Variants in PRRC2C observed in about 807,000 individuals in gnomAD.
PRRC2C encodes the protein protein PRRC2C.
PRRC2C carries 72 observed loss-of-function variants against 317.2 expected under a neutral mutation model. That is an observed-to-expected ratio of 0.23 (90% CI 0.19 to 0.28). The LOEUF is 0.28. PRRC2C is among the 10% of genes least tolerant of loss of function. The probability of loss-of-function intolerance (pLI) is 1.00; values close to 1 mark genes in which losing one functional copy is unlikely to be tolerated. For synonymous variants in PRRC2C, 1,296 were observed against 1,205.9 expected (o/e 1.07, Z -1.55); for missense variants, 3,074 against 3,459.7 (o/e 0.89, Z 2.80).
chr1:171,510,952 G>T (rs538438154), intron 1 of PRRC2C: 19 of 152,250 alleles, frequency 1.2e-4, no homozygotes, highest in Non-Finnish European at 2.5e-4. Context: ...ACGTTGGGTG[G>T]CATTTTACAT....
chr1:171,553,375 G>A (rs2102605199), intron 18 of PRRC2C, among the ~76,000 whole-genome samples: 1 of 151,796 alleles, frequency 6.6e-6, no homozygotes, highest in African/African-American at 2.4e-5. Flanking sequence ...AGTCTTGCTA[G>A]CGGTCTGTCA....
At chr1:171,536,332 C>A in intron 14 of PRRC2C, 54 bp downstream of exon 14, 1 of 1,543,392 alleles carries the variant, frequency 6.5e-7, no homozygotes, top group Non-Finnish European at 8.8e-7. Context: ...TTTTTCCCTG[C>A]TTTTAGTTTC....
At chr1:171,575,852 T>G (rs1031091970) in intron 25 of PRRC2C, among the ~76,000 whole-genome samples, 4 of 152,214 alleles carry the variant, frequency 2.6e-5, no homozygotes, top group African/African-American at 9.6e-5. Context: ...TTCTCAGTAT[T>G]ATCTGCTTCC....
In PRRC2C at chr1:171,588,394, T is replaced by G; in HGVS notation, c.8088T>G (p.Ser2696Arg). ...TCTTTCCAAGGGCTACTTCTACAAG[T>G]CCGAACAGCCAGTCCAGCAAAATGA... Reference protein sequence around the residue: ...TSSPFRATSTSPNSQSSKMNS... With the variant: ...TSSPFRATSTRPNSQSSKMNS... The change falls in exon 33 of 35, where the codon AGT becomes AGG. Residue 2696 changes from serine (S) to arginine (R), a missense_variant. Physicochemically the swap from Ser to Arg is moderately radical, Grantham distance 110. Around this residue, in one of 11 missense-constraint regions of PRRC2C, gnomAD observed 490 missense variants for 663.1 expected, o/e 0.74. Coordinates refer to ENST00000647382, the MANE Select transcript of PRRC2C (RefSeq NM_001387844.1). 6.2e-7 allele frequency: 1 copy of G among 1,613,712 alleles called. No homozygotes were observed. Among genetic ancestry groups the G allele is most frequent in the Non-Finnish European group, 8.5e-7 (1 of 1,179,764 alleles).
intron 28 of PRRC2C, among the ~76,000 whole-genome samples, 156 bp from the exon 29 acceptor site, chr1:171,583,800 T>A (rs1003674843): frequency 2.0e-5 from 3 of 152,202 alleles, no homozygotes; most frequent in Admixed American, 6.5e-5. Context: ...TTCCTTATGA[T>A]CTTATGGGAC....
chr1:171,493,194 A>C (rs1321794500), intron 1 of PRRC2C, among the ~76,000 whole-genome samples: 2 of 152,182 alleles, frequency 1.3e-5, no homozygotes, highest in South Asian at 2.1e-4. Flanking sequence ...ACACTTAATA[A>C]ATTTAAAATT....
chr1:171,530,383 A>G (rs1675586079), intron 11 of PRRC2C, among the ~76,000 whole-genome samples: 1 of 150,416 alleles, frequency 6.6e-6, no homozygotes. Flanking sequence ...AGCTGGGACC[A>G]CAGGCATGTG....
intron 1 of PRRC2C, among the ~76,000 whole-genome samples, chr1:171,504,449 A>G (rs1195231573): frequency 6.6e-6 from 1 of 152,170 alleles, no homozygotes; most frequent in Non-Finnish European, 1.5e-5. Context: ...GTTGAGTTTC[A>G]TATATGGTGT....
chr1:171,591,886 G>GCCCCCGC lies in PRRC2C; in HGVS notation c.*39_*40insCCCCCGC. ...TTGCAGGGGATTGGGAGGGGGGCGG[G>GCCCCCGC]AAAACATGGAGAATTAAGTCAGATA... On this transcript the variant is annotated 3_prime_UTR_variant, in exon 35 of 35. Transcript: ENST00000647382. 1 of 475,636 alleles carries GCCCCCGC rather than the reference G, an allele frequency of 2.1e-6. No homozygotes were observed. The highest frequency in any genetic ancestry group is 3.7e-6 in the Non-Finnish European group (1 of 266,840). 29.5% of individuals were successfully genotyped at this position (475,636 alleles called of 1,614,324 possible). A position where few individuals can be genotyped will look rare whatever the true frequency, so the allele number is the denominator to read the frequency against.
chr1:171,503,407 C>T (rs1191335859), intron 1 of PRRC2C, among the ~76,000 whole-genome samples: 2 of 151,850 alleles, frequency 1.3e-5, no homozygotes, highest in Non-Finnish European at 2.9e-5. Context: ...GCCTGTAGTC[C>T]CAGCTACTTG....
chr1:171,540,460 A>G lies in PRRC2C; in HGVS notation c.2994A>G (p.Arg998=). 1 of 1,613,324 alleles carries G rather than the reference A, an allele frequency of 6.2e-7. No homozygotes were observed. The highest frequency in any genetic ancestry group is 1.7e-5 in the Admixed American group (1 of 59,868). ...AATCAGAAACTCGTTGGGGCCCACG[A>G]CCAAGCTCTAACAGAAGGGAAGAAG... ...KSKSETRWGP[R]PSSNRREEVN... The change falls in exon 16 of 35, where the codon CGA becomes CGG. Residue 998 remains arginine (R), a synonymous_variant. Transcript: ENST00000647382.
At chr1:171,564,224 A>G (rs1316505509) in intron 20 of PRRC2C, among the ~76,000 whole-genome samples, 1 of 152,190 alleles carries the variant, frequency 6.6e-6, no homozygotes, top group Non-Finnish European at 1.5e-5. Context: ...AAAGTTATCA[A>G]CGTTAGTTAC....
chr1:171,536,836 G>A (rs377468645), intron 14 of PRRC2C, among the ~76,000 whole-genome samples: 1 of 152,184 alleles, frequency 6.6e-6, no homozygotes, highest in African/African-American at 2.4e-5. Context: ...AATTTAAGTG[G>A]CATATTTTGT....
chr1:171,551,983 T>G (rs897513804), intron 18 of PRRC2C, among the ~76,000 whole-genome samples: 2 of 152,236 alleles, frequency 1.3e-5, no homozygotes, highest in Non-Finnish European at 2.9e-5. Context: ...AAGTAGTTTT[T>G]TCCAATTCTG....
intron 23 of PRRC2C, among the ~76,000 whole-genome samples, chr1:171,569,595 G>GATATATATATATATATATATATATA (rs1558024246): frequency 1.6e-4 from 4 of 25,588 alleles, no homozygotes; most frequent in Non-Finnish European, 2.7e-4. Flanking sequence ...TATATATATG[G>GATATATATATATATATATATATATA]TTTTTTTTTT....
intron 24 of PRRC2C, 119 bp from the exon 25 acceptor site, chr1:171,574,808 T>C (rs113149320): frequency 1.7e-5 from 15 of 903,982 alleles, no homozygotes; most frequent in African/African-American, 1.5e-4. Flanking sequence ...TAAATATCTT[T>C]GTGTGTGTGT....
At chr1:171,564,001 C>T (rs1683174036) in intron 20 of PRRC2C, among the ~76,000 whole-genome samples, 1 of 152,114 alleles carries the variant, frequency 6.6e-6, no homozygotes, top group Non-Finnish European at 1.5e-5. Flanking sequence ...TCTCATTTTT[C>T]TCTCATACCT....
chr1:171,515,755 T>C lies in PRRC2C; in HGVS notation c.422T>C (p.Phe141Ser). The C allele has an allele frequency of 1.9e-6, 3 of 1,608,004 alleles. No individual in the cohort carries two copies. Among genetic ancestry groups the C allele is most frequent in the Non-Finnish European group, 2.5e-6 (3 of 1,177,216 alleles). ...QGDGIQVNSQFQQEFPSLQAA... is the reference protein window; with the variant it reads ...QGDGIQVNSQSQQEFPSLQAA... ...ATAGGAATCCAAGTGAATAGTCAGT[T>C]TCAGCAAGAATTTCCCAGCCTGCAG... is the stretch of plus-strand genomic sequence containing the variant. Residue 141 changes from phenylalanine to serine, a missense_variant, in exon 5 of 35, where the codon TTT (phenylalanine) becomes TCT (serine). Phe to Ser is a radical substitution (Grantham distance 155). Transcript: ENST00000647382.
At chr1:171,555,078 C>T (rs1681091913) in intron 18 of PRRC2C, among the ~76,000 whole-genome samples, 1 of 152,202 alleles carries the variant, frequency 6.6e-6, no homozygotes, top group Admixed American at 6.5e-5. Context: ...GTTCCATTCT[C>T]CCCGTCACTT....
Sources: gnomAD v4.1 joint callset for allele counts (sites outside exome capture counted in the v4.1 genomes callset) on GRCh38, gnomAD v4.1.1 for gene constraint, gnomAD v4.1.1 regional missense constraint, MANE v1.5 for transcripts, NCBI Gene and HGNC (gene_info 2026-07-23, HGNC 2026-07-21) for gene names.